RNF138: variants seen among roughly 807,000 people sequenced by gnomAD.
RNF138 encodes E3 ubiquitin-protein ligase RNF138.
Under a neutral mutation model 31.0 loss-of-function variants are expected in RNF138, and 12 were observed. That is an observed-to-expected ratio of 0.39 (90% CI 0.25 to 0.63). RNF138 has a LOEUF of 0.63. Among genes scored for constraint, RNF138 ranks in the 20% least tolerant of loss-of-function variants. RNF138 has a pLI of 0.52. For missense variants in RNF138, 192 were observed against 300.1 expected (o/e 0.64, Z 2.66); for synonymous variants, 105 against 99.5 (o/e 1.06, Z -0.33).
chr18:32,102,154 A>T (rs2039951883), intron 2 of RNF138, among the ~76,000 whole-genome samples: 1 of 137,594 alleles, frequency 7.3e-6, no homozygotes, highest in African/African-American at 2.8e-5. Context: ...AAGTGCTGGT[A>T]TTACAGGTGT....
intron 2 of RNF138, among the ~76,000 whole-genome samples, chr18:32,093,126 C>T (rs2144551998): frequency 6.6e-6 from 1 of 151,658 alleles, no homozygotes; most frequent in South Asian, 2.1e-4. Context: ...CCCGCTCTCC[C>T]GCTCTCCCGC....
At chr18:32,111,649 CTTAT>C (rs1297042577) in intron 2 of RNF138, 101 bp from the exon 3 acceptor site, 2 of 942,966 alleles carry the variant, frequency 2.1e-6, no homozygotes, top group Non-Finnish European at 3.2e-6. Context: ...AGTAGCCTAA[CTTAT>C]TTAATATGAA....
At chr18:32,113,896 T>A (rs1598857012) in intron 4 of RNF138, 36 bp downstream of exon 4, 2 of 1,053,402 alleles carry the variant, frequency 1.9e-6, no homozygotes, top group East Asian at 5.1e-5. Context: ...AGAATTTTCA[T>A]AATTGAAATG....
chr18:32,101,631 C>T (rs76275490), intron 2 of RNF138, among the ~76,000 whole-genome samples: 2,741 of 152,168 alleles, frequency 0.018, 219 homozygotes, highest in Admixed American at 0.14. Flanking sequence ...TAGCACCTAG[C>T]ACATATTATG....
intron 2 of RNF138, among the ~76,000 whole-genome samples, chr18:32,105,133 C>T (rs1009523619): frequency 6.6e-6 from 1 of 152,100 alleles, no homozygotes; most frequent in Non-Finnish European, 1.5e-5. Context: ...CCTCTGTCCC[C>T]CAGGCTGGAG....
rs751628139 is a variant in RNF138 at position 32,113,837 on chromosome 18, C to A, written c.369C>A (p.Ile123=). Residue 123 remains isoleucine (I), a synonymous_variant, in exon 4 of 8, where the codon ATC becomes ATA. Transcript: ENST00000261593. The stretch of plus-strand genomic sequence containing the variant: ...CTTCTATCATTCCAAACTTTCAGAT[C>A]TCTCAAGATTCAGTAGGGAACAGGT... ...GVSSIIPNFQ[I]SQDSVGNSNR... 6.5e-7 allele frequency: 1 copy of A among 1,528,400 alleles called. No homozygotes were observed. The highest frequency in any genetic ancestry group is 8.9e-7 in the Non-Finnish European group (1 of 1,125,810). The allele number at this position is 1,528,400 out of a possible 1,614,324, so 94.7% of individuals were successfully genotyped here.
At chr18:32,112,163 A>G (rs1186743574) in intron 3 of RNF138, among the ~76,000 whole-genome samples, 1 of 152,172 alleles carries the variant, frequency 6.6e-6, no homozygotes, top group Non-Finnish European at 1.5e-5. Context: ...GCATTTTTCT[A>G]AAAGTAATTT....
At chr18:32,103,385 A>G (rs920635394) in intron 2 of RNF138, among the ~76,000 whole-genome samples, 1 of 151,164 alleles carries the variant, frequency 6.6e-6, no homozygotes. Flanking sequence ...AGGTGGGGAA[A>G]TCTCACTATG....
chr18:32,111,912 C>T lies in RNF138; in HGVS notation c.269C>T (p.Ala90Val). 1 of 1,606,406 alleles carries T rather than the reference C, an allele frequency of 6.2e-7. No homozygotes were observed. The highest frequency in any genetic ancestry group is 8.5e-7 in the Non-Finnish European group (1 of 1,177,098). ...TTTTCTGGTAGCTGCAGATGCTGTGCAAAACAGGTAGAGTAAATGTGACAT... is the reference window on the plus strand; with the variant it reads ...TTTTCTGGTAGCTGCAGATGCTGTGTAAAACAGGTAGAGTAAATGTGACAT... ...RKFSGSCRCCAKQIKFYRMRH... is the reference protein window; with the variant it reads ...RKFSGSCRCCVKQIKFYRMRH... Residue 90 changes from alanine (A) to valine (V), a missense_variant, in exon 3 of 8, where the codon GCA becomes GTA. Ala to Val is a moderately conservative substitution (Grantham distance 64, BLOSUM62 0). Transcript: ENST00000261593.
intron 4 of RNF138, among the ~76,000 whole-genome samples, chr18:32,115,660 A>G (rs1439190767): frequency 1.3e-5 from 2 of 152,098 alleles, no homozygotes; most frequent in African/African-American, 4.8e-5. Context: ...CAGGAGAATC[A>G]CTTGACCCTA....
At position 32,092,742 on chromosome 18, in the gene RNF138, G is replaced by A; in HGVS notation, c.-35G>A. The A allele has an allele frequency of 1.4e-6, 2 of 1,402,254 alleles. No homozygotes were observed. Among genetic ancestry groups the A allele is most frequent in the Non-Finnish European group, 2.0e-6 (2 of 1,021,856 alleles). 86.9% of individuals were successfully genotyped at this position (1,402,254 alleles called of 1,614,324 possible). On this transcript the variant is annotated 5_prime_UTR_variant, in exon 2 of 8. Coordinates refer to ENST00000261593, the MANE Select transcript of RNF138 (RefSeq NM_016271.5). ...CGCCACCGTCACCTCGGCCGCTGCC[G>A]CTGTCGCCATCGCCTTGTTTCCCCA...
chr18:32,110,772 A>G (rs1455253480), intron 2 of RNF138, among the ~76,000 whole-genome samples: 1 of 151,986 alleles, frequency 6.6e-6, no homozygotes, highest in Non-Finnish European at 1.5e-5. Flanking sequence ...AAAGTTGGTT[A>G]TAAATGTTTA....
intron 4 of RNF138, among the ~76,000 whole-genome samples, chr18:32,120,439 T>G (rs1391591379): frequency 3.3e-5 from 5 of 152,224 alleles, no homozygotes; most frequent in African/African-American, 1.2e-4. Flanking sequence ...ATATAGAACA[T>G]TAAATTAAAA....
chr18:32,111,711 A>G (rs1568233457), intron 2 of RNF138, 43 bp from the exon 3 acceptor site: 1 of 1,485,384 alleles, frequency 6.7e-7, no homozygotes. Flanking sequence ...AGATGAAGAG[A>G]GTAATTTTTT....
chr18:32,105,771 A>G (rs1030110930), intron 2 of RNF138, among the ~76,000 whole-genome samples: 1 of 152,258 alleles, frequency 6.6e-6, no homozygotes, highest in African/African-American at 2.4e-5. Context: ...GACCACAAGC[A>G]GCAAGGTTAA....
chr18:32,097,944 A>ATGTGTG (rs34814991), intron 2 of RNF138, among the ~76,000 whole-genome samples: 1 of 87,328 alleles, frequency 1.1e-5, no homozygotes, highest in Non-Finnish European at 2.6e-5. Flanking sequence ...GTATGTATAT[A>ATGTGTG]TGTGTGTGTG....
intron 2 of RNF138, 62 bp downstream of exon 2, chr18:32,092,948 C>T (rs2039728137): frequency 2.1e-6 from 2 of 953,610 alleles, no homozygotes; most frequent in Non-Finnish European, 2.9e-6. Context: ...GCCTCCGGCC[C>T]GGGACCCCGG....
At chr18:32,128,901 C>G (rs945458167) in intron 7 of RNF138, among the ~76,000 whole-genome samples, 1 of 152,078 alleles carries the variant, frequency 6.6e-6, no homozygotes, top group Non-Finnish European at 1.5e-5. Context: ...GTTTGTTATT[C>G]TTGAACAGTT....
chr18:32,108,830 A>AGT (rs1261854216), intron 2 of RNF138, among the ~76,000 whole-genome samples: 12 of 151,962 alleles, frequency 7.9e-5, no homozygotes, highest in Non-Finnish European at 1.3e-4. Context: ...CACCGTGCCC[A>AGT]GCTAATTTTT....
Sources: gnomAD v4.1 joint callset for allele counts (sites outside exome capture counted in the v4.1 genomes callset) on GRCh38, gnomAD v4.1.1 for gene constraint, MANE v1.5 for transcripts, NCBI Gene and HGNC (gene_info 2026-07-23, HGNC 2026-07-21) for gene names.